ZFYVE28: variants seen among roughly 807,000 people sequenced by gnomAD.
The protein encoded by ZFYVE28 is zinc finger FYVE-type containing 28.
Under a neutral mutation model 82.1 loss-of-function variants are expected in ZFYVE28, and 40 were observed. That is an observed-to-expected ratio of 0.49 (90% CI 0.38 to 0.63). The LOEUF (loss-of-function observed/expected upper bound fraction) is 0.63, where lower values mean the gene tolerates loss of function less well. Ranked by LOEUF, ZFYVE28 falls within the 30% of genes least tolerant of loss-of-function variation. ZFYVE28 has a pLI of 0.00. For missense variants in ZFYVE28, 1,321 were observed against 1,242.1 expected, an observed-to-expected ratio of 1.06 and a Z score of -0.96; for synonymous variants, 612 against 546.1, an observed-to-expected ratio of 1.12 and a Z score of -1.68.
At chr4:2,325,975 G>A (rs1480221589) in intron 6 of ZFYVE28, among the ~76,000 whole-genome samples, 3 of 152,056 alleles carry the variant, frequency 2.0e-5, no homozygotes, top group Non-Finnish European at 4.4e-5. Flanking sequence ...CCCATCAGAT[G>A]TATGAATTGT....
chr4:2,343,774 G>A (rs757323007), intron 2 of ZFYVE28, among the ~76,000 whole-genome samples: 36 of 152,172 alleles, frequency 2.4e-4, no homozygotes, highest in Non-Finnish European at 4.4e-4. Flanking sequence ...GGCACAGCTT[G>A]CCCAAGGCTG....
At chr4:2,395,910 C>T (rs2071673) in intron 1 of ZFYVE28, among the ~76,000 whole-genome samples, 24,829 of 152,146 alleles carry the variant, frequency 0.16, 2,214 homozygotes, top group Middle Eastern at 0.28. Context: ...CAGGGGCTCT[C>T]CTGTGCATTG....
At chr4:2,353,145 T>C (rs1724725396) in intron 2 of ZFYVE28, among the ~76,000 whole-genome samples, 1 of 152,222 alleles carries the variant, frequency 6.6e-6, no homozygotes, top group Non-Finnish European at 1.5e-5. Flanking sequence ...AGAAAAGTTG[T>C]CCTGGCCACA....
At position 2,320,315 on chromosome 4, in the gene ZFYVE28, C is replaced by T. The variant is rs1246546945; in HGVS notation, c.702-44G>A. ...AGCCAGGATGTCAGGCCCTGTGGCCCCCTGGGTGCCGCGGACGGCCCAACT... is the reference window on the plus strand; with the variant it reads ...AGCCAGGATGTCAGGCCCTGTGGCCTCCTGGGTGCCGCGGACGGCCCAACT... On this transcript the variant is annotated intron_variant, in intron 6 of 12. Coordinates refer to ENST00000290974, the MANE Select transcript of ZFYVE28 (RefSeq NM_020972.3). This position sits in a 1 kb window ranked among gnomAD's most constrained non-coding sequence, Gnocchi z 5.1. The T allele has an allele frequency of 6.3e-7, 1 of 1,587,400 alleles. No homozygotes were observed. Among genetic ancestry groups the T allele is most frequent in the Non-Finnish European group, 8.6e-7 (1 of 1,159,098 alleles).
chr4:2,323,373 TTCC>T (rs1216418200), intron 6 of ZFYVE28, among the ~76,000 whole-genome samples: 5 of 152,244 alleles, frequency 3.3e-5, no homozygotes, highest in African/African-American at 9.6e-5. Context: ...ATTCAAGTCT[TTCC>T]TCATTTTTAA....
chr4:2,323,559 ATACTTT>A (rs1011790309), intron 6 of ZFYVE28, among the ~76,000 whole-genome samples: 2 of 151,598 alleles, frequency 1.3e-5, no homozygotes, highest in African/African-American at 4.9e-5. Flanking sequence ...TTTTATTATT[ATACTTT>A]AAGTTTTAGG....
intron 6 of ZFYVE28, among the ~76,000 whole-genome samples, chr4:2,329,587 A>T (rs1720367218): frequency 6.6e-6 from 1 of 152,230 alleles, no homozygotes; most frequent in Non-Finnish European, 1.5e-5. Flanking sequence ...ACCCTAAGAA[A>T]GGGTCAAAAT....
intron 6 of ZFYVE28, among the ~76,000 whole-genome samples, chr4:2,327,253 T>A (rs1489106602): frequency 0.038 from 14 of 368 alleles, no homozygotes; most frequent in East Asian, 0.23. Context: ...CCATCTCAAA[T>A]ATATATATAT....
rs1732290603 is a variant in ZFYVE28 at position 2,409,555 on chromosome 4, C to A, written c.39+8730G>T. On this transcript the variant is annotated intron_variant, in intron 1 of 12. Transcript: ENST00000290974. This position sits in a 1 kb window ranked among gnomAD's most constrained non-coding sequence, Gnocchi z 4.4. ...CACTCACATCTCAGCAGCCCCCTCG[C>A]CCCCACTCCGCTGGCTGCTCGCTGT... Among the ~76,000 whole-genome samples, 1 of 152,218 alleles carries A rather than the reference C, an allele frequency of 6.6e-6. No individual in the cohort carries two copies. Among genetic ancestry groups the A allele is most frequent in the Admixed American group, 6.5e-5 (1 of 15,280 alleles).
At position 2,339,217 on chromosome 4, in the gene ZFYVE28, G is replaced by A. The variant is rs1269046969; in HGVS notation, c.521+236C>T. On this transcript the variant is annotated intron_variant, in intron 4 of 12. Transcript: ENST00000290974. This position sits in a 1 kb window ranked among gnomAD's most constrained non-coding sequence, Gnocchi z 5.0. ...CAAAGCCCTTCCCCTGGAGGCCCAC[G>A]GCGGCCAGATCCACACCTGTGTCCT... 5.3e-5 allele frequency among the ~76,000 whole-genome samples: 8 copies of A among 150,426 alleles called. No individual in the cohort carries two copies. Among genetic ancestry groups the A allele is most frequent in the African/African-American group, 9.8e-5 (4 of 40,810 alleles).
chr4:2,387,056 T>TCCGGGGCCGGGG (rs59609334), intron 1 of ZFYVE28, among the ~76,000 whole-genome samples: 2,793 of 152,030 alleles, frequency 0.018, 73 homozygotes, highest in East Asian at 0.059. Context: ...TGCAGGAGAC[T>TCCGGGGCCGGGG]CCGGGGCCGG....
chr4:2,304,473 C>G lies in ZFYVE28; in HGVS notation c.1867G>C (p.Gly623Arg). 12 of 1,613,338 alleles carry G rather than the reference C, an allele frequency of 7.4e-6. No homozygotes were observed. The highest frequency in any genetic ancestry group is 9.3e-6 in the Non-Finnish European group (11 of 1,179,826). Reference protein sequence around the residue: ...APPPSEDASNGREPKAPTSDK... With the variant: ...APPPSEDASNRREPKAPTSDK... ...GAAGTGGGGGCTTTGGGCTCCCGCC[C>G]GTTGGAGGCATCTTCTGAGGGTGGG... Residue 623 changes from glycine (G) to arginine (R), a missense_variant, in exon 8 of 13, where the codon GGG becomes CGG. By Grantham distance (125) the Gly-to-Arg change is moderately radical. This residue lies in a region of ZFYVE28 where 978 missense variants were observed against 833.7 expected (regional missense o/e 1.17). Coordinates refer to ENST00000290974, the MANE Select transcript of ZFYVE28 (RefSeq NM_020972.3).
intron 8 of ZFYVE28, among the ~76,000 whole-genome samples, chr4:2,302,069 G>A (rs947028472): frequency 1.3e-5 from 2 of 152,216 alleles, no homozygotes; most frequent in African/African-American, 2.4e-5. Flanking sequence ...GGAGCGGCTC[G>A]GGCAGAAGGC....
intron 3 of ZFYVE28, among the ~76,000 whole-genome samples, chr4:2,340,793 G>A (rs1342879258): frequency 6.6e-6 from 1 of 152,156 alleles, no homozygotes; most frequent in African/African-American, 2.4e-5. Context: ...GGCTCAGAAG[G>A]TGGGGTGGGC....
intron 1 of ZFYVE28, among the ~76,000 whole-genome samples, chr4:2,401,716 C>T (rs149747013): frequency 3.2e-4 from 48 of 152,278 alleles, no homozygotes; most frequent in Middle Eastern, 6.8e-3. Flanking sequence ...CCCCGCACCG[C>T]AGTCCACCCC....
chr4:2,334,899 G>A (rs529966698), intron 6 of ZFYVE28, among the ~76,000 whole-genome samples: 1 of 131,082 alleles, frequency 7.6e-6, no homozygotes, highest in African/African-American at 2.7e-5. Flanking sequence ...GCTCTCTGTG[G>A]TCCACTCACT....
chr4:2,340,038 A>G (rs1290023797), intron 3 of ZFYVE28, among the ~76,000 whole-genome samples: 1 of 152,068 alleles, frequency 6.6e-6, no homozygotes, highest in Admixed American at 6.5e-5. Flanking sequence ...CTCCCCGTCC[A>G]GGCCACAGGG....
At chr4:2,323,063 A>G (rs1719337379) in intron 6 of ZFYVE28, among the ~76,000 whole-genome samples, 1 of 152,208 alleles carries the variant, frequency 6.6e-6, no homozygotes, top group Admixed American at 6.5e-5. Context: ...GTATATGCCT[A>G]GAAGGGTATG....
At chr4:2,290,680 C>T (rs991243721) in intron 8 of ZFYVE28, among the ~76,000 whole-genome samples, 7 of 152,220 alleles carry the variant, frequency 4.6e-5, no homozygotes, top group Non-Finnish European at 8.8e-5. Context: ...GACGGCCTCA[C>T]CCCTCTCCTG....
Sources: gnomAD v4.1 joint callset for allele counts (sites outside exome capture counted in the v4.1 genomes callset) on GRCh38, gnomAD v4.1.1 for gene constraint, gnomAD v4.1.1 regional missense constraint, Gnocchi (gnomAD v3.1) non-coding constraint, MANE v1.5 for transcripts, NCBI Gene and HGNC (gene_info 2026-07-23, HGNC 2026-07-21) for gene names.